The following DNAJC6 variants were observed in gnomAD, a reference collection of about 807,000 sequenced individuals.
DNAJC6 encodes DnaJ heat shock protein family (Hsp40) member C6.
DNAJC6 carries 34 observed loss-of-function variants against 110.0 expected under a neutral mutation model. The ratio of observed to expected loss-of-function variants is 0.31; its 90% confidence interval spans 0.24 to 0.41. The LOEUF (loss-of-function observed/expected upper bound fraction) is 0.41. DNAJC6 is among the 10% of genes least tolerant of loss of function. DNAJC6 has a pLI of 1.00. For missense variants in DNAJC6, 1,031 were observed against 1,207.8 expected (o/e 0.85, Z 2.17); for synonymous variants, 406 against 437.2 (o/e 0.93, Z 0.89).
chr1:65,287,162 T>C (rs756705409), intron 1 of DNAJC6, among the ~76,000 whole-genome samples: 1 of 152,270 alleles, frequency 6.6e-6, no homozygotes, highest in Non-Finnish European at 1.5e-5. Context: ...AAGTACCATA[T>C]GTACTAGTCT....
At chr1:65,361,989 G>A (rs1222143836) in intron 1 of DNAJC6, among the ~76,000 whole-genome samples, 3 of 152,138 alleles carry the variant, frequency 2.0e-5, no homozygotes, top group Non-Finnish European at 2.9e-5. Flanking sequence ...GCAAAATTAT[G>A]CAAATAGAAA....
chr1:65,368,613 TCTC>T (rs1645672789), intron 4 of DNAJC6, among the ~76,000 whole-genome samples: 2 of 143,490 alleles, frequency 1.4e-5, no homozygotes, highest in Admixed American at 6.9e-5. Flanking sequence ...TTCTCCTCCT[TCTC>T]CTTCTTCTCC....
At chr1:65,384,169 G>A (rs909675504) in intron 5 of DNAJC6, 24 bp from the exon 6 acceptor site, 2 of 1,439,634 alleles carry the variant, frequency 1.4e-6, no homozygotes, top group Non-Finnish European at 1.8e-6. Flanking sequence ...TGTTCATAAT[G>A]ATTTTATGCA....
At chr1:65,328,686 C>G (rs1240146200) in intron 1 of DNAJC6, among the ~76,000 whole-genome samples, 1 of 152,198 alleles carries the variant, frequency 6.6e-6, no homozygotes, top group Admixed American at 6.5e-5. Flanking sequence ...CCCAATGGGT[C>G]GGGCATTTAT....
intron 7 of DNAJC6, 112 bp from the exon 8 acceptor site, chr1:65,386,700 G>A (rs1212335585): frequency 5.2e-5 from 46 of 891,308 alleles, no homozygotes; most frequent in South Asian, 4.8e-4. Flanking sequence ...TTCTGGGTCC[G>A]GGCCTGGGCG....
intron 1 of DNAJC6, among the ~76,000 whole-genome samples, chr1:65,347,204 G>C (rs780464170): frequency 2.0e-5 from 3 of 151,982 alleles, no homozygotes; most frequent in African/African-American, 7.2e-5. Flanking sequence ...GTATATGTAC[G>C]TATACACAAA....
chr1:65,344,307 A>C (rs1485031781), intron 1 of DNAJC6, among the ~76,000 whole-genome samples: 2 of 152,194 alleles, frequency 1.3e-5, no homozygotes, highest in African/African-American at 4.8e-5. Context: ...TTGTAGATAC[A>C]TGCACATGTG....
At chr1:65,276,283 T>C (rs1653667761) in intron 1 of DNAJC6, among the ~76,000 whole-genome samples, 2 of 152,236 alleles carry the variant, frequency 1.3e-5, no homozygotes, top group African/African-American at 4.8e-5. Flanking sequence ...GTAACTTCAA[T>C]GTGTGGGCCA....
intron 8 of DNAJC6, among the ~76,000 whole-genome samples, chr1:65,387,973 G>A (rs745569995): frequency 1.3e-5 from 2 of 152,204 alleles, no homozygotes; most frequent in African/African-American, 2.4e-5. Context: ...GTTTTAGCCA[G>A]CAGTGGCCTA....
chr1:65,352,568 G>C (rs992996888), intron 1 of DNAJC6, among the ~76,000 whole-genome samples: 1 of 152,182 alleles, frequency 6.6e-6, no homozygotes, highest in Non-Finnish European at 1.5e-5. Flanking sequence ...TTCCTAGCAT[G>C]GTGCCTAACA....
At chr1:65,311,221 T>G (rs1269830572) in intron 1 of DNAJC6, among the ~76,000 whole-genome samples, 2 of 130,676 alleles carry the variant, frequency 1.5e-5, no homozygotes, top group African/African-American at 5.8e-5. Context: ...GACTGTTTTT[T>G]TTTTTTTTTT....
At chr1:65,333,139 C>A (rs1056181408) in intron 1 of DNAJC6, among the ~76,000 whole-genome samples, 27 of 152,208 alleles carry the variant, frequency 1.8e-4, no homozygotes, top group Non-Finnish European at 5.9e-5. Flanking sequence ...TTTTAACATA[C>A]CAAGAAATGT....
chr1:65,411,855 T>C (rs1344447226), intron 18 of DNAJC6, among the ~76,000 whole-genome samples: 1 of 152,014 alleles, frequency 6.6e-6, no homozygotes, highest in Non-Finnish European at 1.5e-5. Context: ...CCTGTAGTCT[T>C]AGCCACTCGG....
intron 1 of DNAJC6, among the ~76,000 whole-genome samples, chr1:65,300,632 A>T (rs1443253896): frequency 1.3e-5 from 2 of 152,240 alleles, no homozygotes; most frequent in East Asian, 1.9e-4. Context: ...ACTCAGCTGC[A>T]TTCCAGAGTT....
chr1:65,306,779 A>G (rs1415447303), upstream of DNAJC6, among the ~76,000 whole-genome samples: 6 of 138,162 alleles, frequency 4.3e-5, no homozygotes, highest in Non-Finnish European at 9.5e-5. Context: ...CCTTAAGCCC[A>G]AATTCTCATT....
chr1:65,360,529 T>A (rs894517812), intron 1 of DNAJC6, among the ~76,000 whole-genome samples: 4 of 152,190 alleles, frequency 2.6e-5, no homozygotes, highest in Non-Finnish European at 5.9e-5. Context: ...CAAAGGGGTG[T>A]TCAGGCTGAA....
At chr1:65,293,037 A>G (rs992101301) in intron 1 of DNAJC6, among the ~76,000 whole-genome samples, 3 of 152,210 alleles carry the variant, frequency 2.0e-5, no homozygotes, top group Non-Finnish European at 4.4e-5. Context: ...AGCAAGCAGA[A>G]ATCCACAATG....
At chr1:65,351,830 A>G (rs568168017) in intron 1 of DNAJC6, among the ~76,000 whole-genome samples, 14 of 152,204 alleles carry the variant, frequency 9.2e-5, no homozygotes, top group Admixed American at 3.9e-4. Context: ...CAGTGGCGCG[A>G]TCTCGGCTCA....
At chr1:65,327,994 C>A (rs932225063) in intron 1 of DNAJC6, among the ~76,000 whole-genome samples, 1 of 152,004 alleles carries the variant, frequency 6.6e-6, no homozygotes, top group Non-Finnish European at 1.5e-5. Flanking sequence ...GGATTAGAGG[C>A]GTGAGCCACC....
Sources: allele counts gnomAD v4.1 joint callset (sites outside exome capture counted in the v4.1 genomes callset), GRCh38; gene constraint gnomAD v4.1.1; transcripts MANE v1.5; gene names NCBI Gene and HGNC (gene_info 2026-07-23, HGNC 2026-07-21).